The following SGMS1 variants were observed in gnomAD, a reference collection of about 807,000 sequenced individuals.
The protein encoded by SGMS1 is sphingomyelin synthase 1.
In SGMS1, 13 loss-of-function variants were observed where a neutral mutation model predicts 46.2. The observed-to-expected ratio is 0.28, with a 90% confidence interval of 0.18 to 0.45. The LOEUF is 0.45. SGMS1 is among the 20% of genes least tolerant of loss of function. The pLI is 1.00. For synonymous variants in SGMS1, 203 were observed against 187.8 expected (o/e 1.08, Z -0.66); for missense variants, 324 against 519.9 (o/e 0.62, Z 3.66).
intron 3 of SGMS1, among the ~76,000 whole-genome samples, chr10:50,488,311 G>A (rs151060344): frequency 1.3e-3 from 193 of 152,014 alleles, no homozygotes; most frequent in African/African-American, 3.8e-3. Context: ...CACTGCACTC[G>A]GCCTATTTCC....
In SGMS1 at chr10:50,344,551, G is replaced by T. The variant is rs987093661; in HGVS notation, c.-231-206C>A. 5.3e-5 allele frequency among the ~76,000 whole-genome samples: 8 copies of T among 152,182 alleles called. No individual in the cohort carries two copies. In the East Asian group the frequency reaches 1.5e-3, roughly 29 times the overall value. On this transcript the variant is annotated intron_variant, in intron 6 of 10. Coordinates refer to ENST00000361781, the MANE Select transcript of SGMS1 (RefSeq NM_147156.4). ...TGAATTGGATCTGAAAATGGATGTT[G>T]TCAAAGGAGACATATTTTATAGAAT...
At chr10:50,591,506 A>G (rs1429038288) in intron 1 of SGMS1, among the ~76,000 whole-genome samples, 1 of 152,076 alleles carries the variant, frequency 6.6e-6, no homozygotes, top group Non-Finnish European at 1.5e-5. Flanking sequence ...CATTATTACC[A>G]ATTACTATAA....
intron 8 of SGMS1, among the ~76,000 whole-genome samples, chr10:50,312,191 T>C (rs541218163): frequency 6.8e-4 from 104 of 152,298 alleles, no homozygotes; most frequent in Non-Finnish European, 1.2e-3. Flanking sequence ...AAATTCTGGT[T>C]GTCCAATTTA....
intron 3 of SGMS1, among the ~76,000 whole-genome samples, chr10:50,512,336 G>A (rs1434282420): frequency 1.3e-5 from 2 of 152,142 alleles, no homozygotes; most frequent in Non-Finnish European, 1.5e-5. Flanking sequence ...AGAAAGGAGA[G>A]AGAGAAAGGG....
chr10:50,350,603 G>T (rs756400268), intron 6 of SGMS1, among the ~76,000 whole-genome samples: 1 of 152,160 alleles, frequency 6.6e-6, no homozygotes, highest in Non-Finnish European at 1.5e-5. Flanking sequence ...GGGACTTGGT[G>T]CCCTGTGTCC....
intron 7 of SGMS1, chr10:50,342,126 G>A (rs1405028926): frequency 6.6e-6 from 1 of 152,160 alleles, no homozygotes; most frequent in African/African-American, 2.4e-5. Flanking sequence ...GTACAGTACT[G>A]GTATTTTGTT....
intron 6 of SGMS1, among the ~76,000 whole-genome samples, chr10:50,357,870 C>G (rs1282421235): frequency 6.6e-6 from 1 of 152,200 alleles, no homozygotes; most frequent in Non-Finnish European, 1.5e-5. Flanking sequence ...TGAGAAACTA[C>G]AGGATTCTAG....
intron 6 of SGMS1, among the ~76,000 whole-genome samples, chr10:50,366,313 G>C (rs1195847882): frequency 6.6e-6 from 1 of 152,210 alleles, no homozygotes. Flanking sequence ...AGATGCTGGA[G>C]AGGTTGTGGA....
intron 5 of SGMS1, among the ~76,000 whole-genome samples, chr10:50,448,243 C>A (rs979159585): frequency 6.6e-6 from 1 of 151,830 alleles, no homozygotes; most frequent in Non-Finnish European, 1.5e-5. Flanking sequence ...CAGAGCAAGA[C>A]CTTGTCTCAA....
intron 2 of SGMS1, among the ~76,000 whole-genome samples, chr10:50,541,596 C>T (rs1021179026): frequency 6.6e-6 from 1 of 152,236 alleles, no homozygotes; most frequent in South Asian, 2.1e-4. Flanking sequence ...ATACTCAAAG[C>T]CCACAGAGAG....
intron 4 of SGMS1, among the ~76,000 whole-genome samples, chr10:50,466,109 T>C (rs1216402522): frequency 6.6e-6 from 1 of 152,076 alleles, no homozygotes; most frequent in African/African-American, 2.4e-5. Context: ...AAGGAATCAG[T>C]AAATGGCACT....
intron 8 of SGMS1, among the ~76,000 whole-genome samples, chr10:50,313,828 A>G (rs1847296511): frequency 6.6e-6 from 1 of 152,216 alleles, no homozygotes; most frequent in Non-Finnish European, 1.5e-5. Flanking sequence ...TAAACCTGGC[A>G]CTGAGGAAAA....
intron 1 of SGMS1, among the ~76,000 whole-genome samples, chr10:50,604,528 G>A (rs568433269): frequency 1.1e-4 from 17 of 152,134 alleles, no homozygotes; most frequent in Non-Finnish European, 1.8e-4. Context: ...CAAAAGAACC[G>A]CAATTATCTT....
intron 1 of SGMS1, among the ~76,000 whole-genome samples, chr10:50,611,188 C>T (rs890190755): frequency 3.9e-5 from 6 of 152,294 alleles, no homozygotes; most frequent in Admixed American, 1.3e-4. Flanking sequence ...ATGGTCAACA[C>T]GCCACCCAGG....
chr10:50,603,091 C>T (rs11816013), intron 1 of SGMS1, among the ~76,000 whole-genome samples: 1,741 of 152,316 alleles, frequency 0.011, 31 homozygotes, highest in African/African-American at 0.04. Context: ...ACCAGAAAAA[C>T]ATAACCACAT....
At chr10:50,559,029 T>C (rs1838211749) in intron 2 of SGMS1, among the ~76,000 whole-genome samples, 1 of 152,178 alleles carries the variant, frequency 6.6e-6, no homozygotes, top group Non-Finnish European at 1.5e-5. Flanking sequence ...TTCAACTTTA[T>C]ATAAGTCTCA....
At chr10:50,601,056 C>A (rs1335873154) in intron 1 of SGMS1, among the ~76,000 whole-genome samples, 1 of 152,132 alleles carries the variant, frequency 6.6e-6, no homozygotes, top group Non-Finnish European at 1.5e-5. Flanking sequence ...ATCATCCTTG[C>A]AGTTTAGAAA....
intron 1 of SGMS1, among the ~76,000 whole-genome samples, chr10:50,612,127 T>C (rs1233488701): frequency 1.3e-5 from 2 of 152,216 alleles, no homozygotes; most frequent in Non-Finnish European, 2.9e-5. Context: ...TTTTCTTCAA[T>C]CCCTCCATCT....
At chr10:50,309,055 G>C (rs1281062304) in intron 9 of SGMS1, among the ~76,000 whole-genome samples, 1 of 151,034 alleles carries the variant, frequency 6.6e-6, no homozygotes. Flanking sequence ...CTTCCTAGTG[G>C]GGAAGAGAGA....
Sources: gnomAD v4.1 joint callset for allele counts (sites outside exome capture counted in the v4.1 genomes callset) on GRCh38, gnomAD v4.1.1 for gene constraint, MANE v1.5 for transcripts, NCBI Gene and HGNC (gene_info 2026-07-23, HGNC 2026-07-21) for gene names.